Variants in NTN4 observed in about 807,000 individuals in gnomAD.
NTN4 encodes netrin-4.
A neutral mutation model predicts 73.6 loss-of-function variants in NTN4; 32 were observed. The observed-to-expected ratio is 0.44, with a 90% confidence interval of 0.33 to 0.58. The LOEUF (loss-of-function observed/expected upper bound fraction) is 0.58, where lower values mean the gene tolerates loss of function less well. Ranked by LOEUF, NTN4 falls within the 20% of genes least tolerant of loss-of-function variation. The probability of loss-of-function intolerance (pLI) is 0.04; values close to 1 mark genes in which losing one functional copy is unlikely to be tolerated. For synonymous variants in NTN4, 258 were observed against 287.5 expected (o/e 0.90, Z 1.04); for missense variants, 654 against 798.3 (o/e 0.82, Z 2.18).
chr12:95,694,374 A>G (rs1290429472), intron 5 of NTN4, among the ~76,000 whole-genome samples: 3 of 145,638 alleles, frequency 2.1e-5, no homozygotes, highest in Non-Finnish European at 2.9e-5. Context: ...GGCTCCCAAC[A>G]TTGTTTTCTC....
chr12:95,715,604 A>G (rs986027674), intron 3 of NTN4, among the ~76,000 whole-genome samples: 5 of 152,144 alleles, frequency 3.3e-5, no homozygotes, highest in African/African-American at 1.2e-4. Context: ...ACATCCAGGC[A>G]AGCTCTAAAG....
chr12:95,741,038 G>T lies in NTN4; in HGVS notation c.586-2894C>A, dbSNP rs559124012. On this transcript the variant is annotated intron_variant, in intron 2 of 9. Coordinates refer to ENST00000343702, the MANE Select transcript of NTN4 (RefSeq NM_021229.4). ...ATTTTAAAACCTGCTTAGAATTACAGTGTGTGGCTATGACATAATTTATTT... is the reference window on the plus strand; with the variant it reads ...ATTTTAAAACCTGCTTAGAATTACATTGTGTGGCTATGACATAATTTATTT... Among the ~76,000 whole-genome samples the T allele has an allele frequency of 2.6e-5, 4 of 152,290 alleles. No individual in the cohort carries two copies. The South Asian group carries it at 8.3e-4, about 32-fold the overall frequency.
intron 3 of NTN4, among the ~76,000 whole-genome samples, chr12:95,713,658 C>A (rs2078582954): frequency 6.6e-6 from 1 of 152,016 alleles, no homozygotes; most frequent in African/African-American, 2.4e-5. Context: ...TTTTAAAATT[C>A]TTTATGCAAA....
At chr12:95,786,711 A>T (rs1592722768) in intron 2 of NTN4, among the ~76,000 whole-genome samples, 1 of 152,222 alleles carries the variant, frequency 6.6e-6, no homozygotes, top group Admixed American at 6.5e-5. Context: ...TATGTGAAAA[A>T]TTTGAATCTT....
chr12:95,777,224 C>T (rs1274572514), intron 2 of NTN4, among the ~76,000 whole-genome samples: 6 of 152,174 alleles, frequency 3.9e-5, no homozygotes, highest in Admixed American at 3.9e-4. Flanking sequence ...ATTGTAAAGA[C>T]CATCAATGCT....
intron 2 of NTN4, among the ~76,000 whole-genome samples, chr12:95,742,196 TAAG>T (rs2078831499): frequency 1.3e-5 from 2 of 151,950 alleles, no homozygotes; most frequent in African/African-American, 4.8e-5. Context: ...AAATTCTCAA[TAAG>T]AAGATGGAAA....
At chr12:95,747,026 C>T (rs754852165) in intron 2 of NTN4, among the ~76,000 whole-genome samples, 4 of 152,078 alleles carry the variant, frequency 2.6e-5, no homozygotes, top group Non-Finnish European at 4.4e-5. Flanking sequence ...TTATAAAACA[C>T]AGTTTATAAA....
At chr12:95,784,167 C>T (rs2079150971) in intron 2 of NTN4, among the ~76,000 whole-genome samples, 1 of 152,142 alleles carries the variant, frequency 6.6e-6, no homozygotes, top group South Asian at 2.1e-4. Flanking sequence ...TCTGAGCACA[C>T]AATTTTCAAA....
intron 3 of NTN4, among the ~76,000 whole-genome samples, chr12:95,726,014 A>G (rs947848680): frequency 6.6e-6 from 1 of 151,874 alleles, no homozygotes; most frequent in Non-Finnish European, 1.5e-5. Context: ...GAAAAGAAAT[A>G]TATTTATTCT....
chr12:95,734,367 A>G (rs992291055), intron 3 of NTN4, among the ~76,000 whole-genome samples: 3 of 152,208 alleles, frequency 2.0e-5, no homozygotes, highest in African/African-American at 7.2e-5. Flanking sequence ...CTTAGGCCTC[A>G]TCTCTAGAAT....
intron 2 of NTN4, among the ~76,000 whole-genome samples, chr12:95,786,276 TAAG>T (rs763373799): frequency 3.9e-5 from 6 of 152,160 alleles, no homozygotes; most frequent in Non-Finnish European, 5.9e-5. Flanking sequence ...CCACATAAGT[TAAG>T]AAGAGCTAAA....
intron 2 of NTN4, among the ~76,000 whole-genome samples, chr12:95,766,593 C>T (rs2079022742): frequency 6.6e-6 from 1 of 152,218 alleles, no homozygotes; most frequent in African/African-American, 2.4e-5. Flanking sequence ...AATTCCTGAA[C>T]ATCCATAAAT....
At chr12:95,765,920 G>T (rs1449285158) in intron 2 of NTN4, among the ~76,000 whole-genome samples, 1 of 152,198 alleles carries the variant, frequency 6.6e-6, no homozygotes, top group Non-Finnish European at 1.5e-5. Context: ...GAACTAGACA[G>T]ATAATAGTGG....
Position 95,670,080 on chromosome 12 carries a change from T to C in NTN4, c.1577A>G (p.Tyr526Cys). The C allele has an allele frequency of 1.9e-6, 3 of 1,582,030 alleles. No individual in the cohort carries two copies. Among genetic ancestry groups the C allele is most frequent in the East Asian group, 2.3e-5 (1 of 44,280 alleles). Residue 526 changes from tyrosine to cysteine, a missense_variant and splice_region_variant, in exon 8 of 10, where the codon TAT (tyrosine) becomes TGT (cysteine). Physicochemically the swap from Tyr to Cys is radical, Grantham distance 194 (BLOSUM62 -2). Coordinates refer to ENST00000343702, the MANE Select transcript of NTN4 (RefSeq NM_021229.4). ...GCATTCAAGGATTTCAGACTCACCATATGAATATTTCATTCCACAGAATGC... is the reference window on the plus strand; with the variant it reads ...GCATTCAAGGATTTCAGACTCACCACATGAATATTTCATTCCACAGAATGC... ...AKAFCGMKYS[Y>C]VLKIKILSAH...
rs114152376 is a variant in NTN4 at position 95,675,583 on chromosome 12, C to T, written c.1511-5437G>A. Among the ~76,000 whole-genome samples, 1,093 of 151,496 alleles carry T rather than the reference C, an allele frequency of 7.2e-3. 16 individuals carry two copies. The highest frequency in any genetic ancestry group is 0.025 in the African/African-American group (1,032 of 41,292). ...GCACATAGCAATATTAGATAAAGGA[C>T]GGAAAAAAAGACATAGCCTGCATCA... On this transcript the variant is annotated intron_variant, in intron 7 of 9. Transcript: ENST00000343702.
intron 3 of NTN4, 70 bp from the exon 4 acceptor site, chr12:95,713,408 A>G (rs922589837): frequency 1.4e-6 from 2 of 1,455,008 alleles, no homozygotes; most frequent in African/African-American, 2.8e-5. Flanking sequence ...TGCTTCCCAC[A>G]ATCTAATCTC....
At chr12:95,718,573 A>C (rs964729046) in intron 3 of NTN4, among the ~76,000 whole-genome samples, 39 of 152,266 alleles carry the variant, frequency 2.6e-4, no homozygotes, top group African/African-American at 9.4e-4. Context: ...TTGAGCCCCC[A>C]GATTAGGCTT....
At chr12:95,717,132 C>T (rs543854580) in intron 3 of NTN4, among the ~76,000 whole-genome samples, 8 of 152,000 alleles carry the variant, frequency 5.3e-5, no homozygotes, top group Admixed American at 1.3e-4. Flanking sequence ...TTTTAGCAAC[C>T]GTTTATTGAA....
At chr12:95,668,505 G>C (rs1245955190) in intron 8 of NTN4, among the ~76,000 whole-genome samples, 1 of 152,190 alleles carries the variant, frequency 6.6e-6, no homozygotes, top group Non-Finnish European at 1.5e-5. Context: ...AAGTTAGAAA[G>C]TAGAGAGGGA....
Sources: gnomAD v4.1 joint callset for allele counts (sites outside exome capture counted in the v4.1 genomes callset) on GRCh38, gnomAD v4.1.1 for gene constraint, MANE v1.5 for transcripts, NCBI Gene and HGNC (gene_info 2026-07-23, HGNC 2026-07-21) for gene names.